LRRTM4: variants seen among roughly 807,000 people sequenced by gnomAD.
The protein encoded by LRRTM4 is leucine-rich repeat transmembrane neuronal protein 4.
A neutral mutation model predicts 47.6 loss-of-function variants in LRRTM4; 25 were observed. That is an observed-to-expected ratio of 0.53 (90% CI 0.38 to 0.73). LRRTM4 has a LOEUF of 0.73. LRRTM4 is among the 30% of genes least tolerant of loss of function. LRRTM4 has a pLI of 0.00. For missense variants in LRRTM4, 638 were observed against 713.4 expected (o/e 0.89, Z 1.20); for synonymous variants, 311 against 269.5 (o/e 1.15, Z -1.51).
intron 3 of LRRTM4, among the ~76,000 whole-genome samples, chr2:76,939,747 A>C (rs905897235): frequency 6.6e-6 from 1 of 152,174 alleles, no homozygotes; most frequent in African/African-American, 2.4e-5. Context: ...CTAATTTTTA[A>C]GTGATATCCT....
intron 3 of LRRTM4, among the ~76,000 whole-genome samples, chr2:77,064,828 G>A (rs902828431): frequency 7.2e-5 from 11 of 151,954 alleles, no homozygotes; most frequent in Admixed American, 2.0e-4. Flanking sequence ...TGCTTTTTTC[G>A]TACCCTGCTT....
At chr2:76,996,681 A>G (rs1677214443) in intron 3 of LRRTM4, among the ~76,000 whole-genome samples, 1 of 152,162 alleles carries the variant, frequency 6.6e-6, no homozygotes, top group Non-Finnish European at 1.5e-5. Context: ...TGTTGGGAGG[A>G]AAATACCTCT....
At chr2:77,046,074 T>C (rs1231538678) in intron 3 of LRRTM4, among the ~76,000 whole-genome samples, 1 of 152,002 alleles carries the variant, frequency 6.6e-6, no homozygotes, top group African/African-American at 2.4e-5. Flanking sequence ...GTACGTTTGA[T>C]TCTTTTTAGT....
intron 3 of LRRTM4, among the ~76,000 whole-genome samples, chr2:77,142,319 T>C (rs1672145411): frequency 6.6e-6 from 1 of 152,060 alleles, no homozygotes; most frequent in Admixed American, 6.6e-5. Flanking sequence ...TGTGACTGAA[T>C]TCTTGTTCTT....
chr2:77,338,976 A>C (rs1365374295), intron 3 of LRRTM4, among the ~76,000 whole-genome samples: 1 of 152,058 alleles, frequency 6.6e-6, no homozygotes, highest in Non-Finnish European at 1.5e-5. Flanking sequence ...GGAAACCATA[A>C]TCTTAAGTTA....
rs532817258 is a variant in LRRTM4, at chr2:77,136,473, C to A, written c.1551+381845G>T. 2.6e-5 allele frequency among the ~76,000 whole-genome samples: 4 copies of A among 152,304 alleles called. No individual in the cohort carries two copies. The East Asian group carries it at 7.7e-4, about 29-fold the overall frequency. The stretch of plus-strand genomic sequence containing the variant: ...AAGGACATCCACACCAAAACCCCAT[C>A]TGTATGTCACCATCATCAAAGACCA... On this transcript the variant is annotated intron_variant, in intron 3 of 3. Coordinates refer to ENST00000409884, the MANE Select transcript of LRRTM4 (RefSeq NM_001134745.3).
intron 3 of LRRTM4, among the ~76,000 whole-genome samples, chr2:77,427,007 T>A (rs1412966642): frequency 1.4e-5 from 2 of 146,250 alleles, no homozygotes; most frequent in Admixed American, 6.9e-5. Context: ...TCTGACGGAG[T>A]CTTGCTCTTT....
Position 77,070,412 on chromosome 2 carries a change from A to C in LRRTM4, c.1552-321496T>G, listed in dbSNP as rs77992301. On this transcript the variant is annotated intron_variant, in intron 3 of 3. Transcript: ENST00000409884. Reference sequence around the variant, plus strand: ...TTTTCATGGATGTCACTCTCTCTATATATATATTTTAAAGATAAAACATAA... The same window carrying C: ...TTTTCATGGATGTCACTCTCTCTATCTATATATTTTAAAGATAAAACATAA... 4.8e-3 allele frequency among the ~76,000 whole-genome samples: 735 copies of C among 152,200 alleles called. 8 individuals carry two copies. The highest frequency in any genetic ancestry group is 0.015 in the African/African-American group (642 of 41,526).
intron 3 of LRRTM4, among the ~76,000 whole-genome samples, chr2:77,331,971 A>G (rs2104252768): frequency 6.6e-6 from 1 of 152,306 alleles, no homozygotes; most frequent in East Asian, 1.9e-4. Flanking sequence ...CTTATAGAAC[A>G]GGAAGTATAA....
chr2:77,273,669 C>T (rs1676264500), intron 3 of LRRTM4, among the ~76,000 whole-genome samples: 1 of 152,108 alleles, frequency 6.6e-6, no homozygotes, highest in African/African-American at 2.4e-5. Flanking sequence ...TTTGATGCTT[C>T]CCCTTTGCAA....
At chr2:77,436,976 T>C (rs1279041709) in intron 3 of LRRTM4, among the ~76,000 whole-genome samples, 2 of 151,890 alleles carry the variant, frequency 1.3e-5, no homozygotes, top group African/African-American at 2.4e-5. Context: ...AAAATATTAA[T>C]ATAAATAACT....
At chr2:77,263,812 A>C (rs969588116) in intron 3 of LRRTM4, among the ~76,000 whole-genome samples, 1 of 152,054 alleles carries the variant, frequency 6.6e-6, no homozygotes, top group African/African-American at 2.4e-5. Flanking sequence ...CTATAGAAGA[A>C]AGTTACTTGC....
chr2:77,212,687 A>G (rs1215025116), intron 3 of LRRTM4, among the ~76,000 whole-genome samples: 4 of 151,930 alleles, frequency 2.6e-5, no homozygotes, highest in Non-Finnish European at 5.9e-5. Context: ...ACTTTAATCT[A>G]TTACTTTATT....
At chr2:77,502,886 C>A (rs1477186183) in intron 3 of LRRTM4, among the ~76,000 whole-genome samples, 1 of 151,324 alleles carries the variant, frequency 6.6e-6, no homozygotes, top group East Asian at 2.0e-4. Context: ...TAATCTAGGG[C>A]CAGACTTACA....
intron 3 of LRRTM4, among the ~76,000 whole-genome samples, chr2:77,262,543 AT>A (rs373715434): frequency 4.1e-4 from 62 of 149,538 alleles, no homozygotes; most frequent in African/African-American, 1.0e-3. Flanking sequence ...CTAGAATAAC[AT>A]TTTTTTTTCA....
intron 3 of LRRTM4, among the ~76,000 whole-genome samples, chr2:77,273,327 T>A (rs1393847622): frequency 2.0e-5 from 3 of 152,178 alleles, no homozygotes; most frequent in African/African-American, 7.2e-5. Flanking sequence ...TTAGATTCTT[T>A]TATTGAGTGA....
chr2:77,057,679 C>T (rs1392520380), intron 3 of LRRTM4, among the ~76,000 whole-genome samples: 1 of 152,134 alleles, frequency 6.6e-6, no homozygotes, highest in East Asian at 1.9e-4. Flanking sequence ...GTGCCCTTCC[C>T]CTACTCCATT....
chr2:77,456,965 T>C (rs944792045), intron 3 of LRRTM4, among the ~76,000 whole-genome samples: 1 of 137,930 alleles, frequency 7.3e-6, no homozygotes, highest in Non-Finnish European at 1.6e-5. Context: ...TTATATTATA[T>C]TATATTATAA....
At chr2:76,831,701 G>A (rs1196968841) in intron 3 of LRRTM4, among the ~76,000 whole-genome samples, 1 of 152,060 alleles carries the variant, frequency 6.6e-6, no homozygotes, top group African/African-American at 2.4e-5. Flanking sequence ...GAAAATGTTG[G>A]TATCAGGGAG....
Sources: gnomAD v4.1 joint callset for allele counts (sites outside exome capture counted in the v4.1 genomes callset) on GRCh38, gnomAD v4.1.1 for gene constraint, MANE v1.5 for transcripts, NCBI Gene and HGNC (gene_info 2026-07-23, HGNC 2026-07-21) for gene names.